ELL2: variants seen among roughly 807,000 people sequenced by gnomAD.
ELL2 encodes the protein RNA polymerase II elongation factor ELL2.
ELL2 carries 21 observed loss-of-function variants against 72.8 expected under a neutral mutation model. The observed-to-expected ratio is 0.29, with a 90% CI of 0.20 to 0.42. The LOEUF (loss-of-function observed/expected upper bound fraction) is 0.42, where lower values mean the gene tolerates loss of function less well. Among genes scored for constraint, ELL2 ranks in the 10% least tolerant of loss-of-function variants. The probability of loss-of-function intolerance (pLI) is 1.00; values close to 1 mark genes in which losing one functional copy is unlikely to be tolerated. For synonymous variants in ELL2, 266 were observed against 283.2 expected, an observed-to-expected ratio of 0.94 and a Z score of 0.61; for missense variants, 568 against 772.8, an observed-to-expected ratio of 0.73 and a Z score of 3.14.
At chr5:95,914,586 G>A (rs562037065) in intron 3 of ELL2, among the ~76,000 whole-genome samples, 6 of 152,262 alleles carry the variant, frequency 3.9e-5, no homozygotes, top group African/African-American at 1.4e-4. Flanking sequence ...AGGCACGGTG[G>A]CTCATCCCTG....
intron 2 of ELL2, among the ~76,000 whole-genome samples, chr5:95,942,229 G>C (rs932653124): frequency 6.6e-6 from 1 of 151,990 alleles, no homozygotes; most frequent in African/African-American, 2.4e-5. Flanking sequence ...TCCTCCCTCA[G>C]CTTATGTTTT....
Position 95,961,533 on chromosome 5 carries a change from G to C in ELL2, c.147+42C>G, listed in dbSNP as rs1042975230. The C allele has an allele frequency of 1.3e-5, 19 of 1,509,434 alleles. No homozygotes were observed. The African/African-American group carries it at 2.3e-4, about 19-fold the overall frequency. 93.5% of individuals were successfully genotyped at this position (1,509,434 alleles called of 1,614,324 possible). A position where few individuals can be genotyped will look rare whatever the true frequency, so the allele number is the denominator to read the frequency against. ...GGCGCGGCCAGGCCGTGAGGGGTGC[G>C]CTCTGCCTCTCTGAGCCCAGCCTGC... On this transcript the variant is annotated intron_variant, in intron 1 of 11. Transcript: ENST00000237853.
intron 4 of ELL2, among the ~76,000 whole-genome samples, chr5:95,907,308 T>TTTTTTTTTTTTTTTTA (rs1749412453): frequency 1.4e-5 from 2 of 143,554 alleles, no homozygotes; most frequent in East Asian, 3.9e-4. Flanking sequence ...TTTTTTTTTT[T>TTTTTTTTTTTTTTTTA]ACAGGCCAAG....
chr5:95,888,775 G>A lies in ELL2; in HGVS notation c.*96C>T, dbSNP rs112207922. 0.01 allele frequency: 8,653 copies of A among 849,270 alleles called. 76 individuals carry two copies. Among genetic ancestry groups the A allele is most frequent in the Non-Finnish European group, 0.013 (7,409 of 575,888 alleles). 52.6% of individuals were successfully genotyped at this position (849,270 alleles called of 1,614,324 possible). A position where few individuals can be genotyped will look rare whatever the true frequency, so the allele number is the denominator to read the frequency against. ...TTTACTAATACTGAAACTTTCAACA[G>A]CCAAAGTTTCACCTTTTTAGAATCT... On this transcript the variant is annotated 3_prime_UTR_variant, in exon 12 of 12. Transcript: ENST00000237853.
rs146333382 is a variant in ELL2 at position 95,960,488 on chromosome 5, T to C, written c.147+1087A>G. On this transcript the variant is annotated intron_variant, in intron 1 of 11. Coordinates refer to ENST00000237853, the MANE Select transcript of ELL2 (RefSeq NM_012081.6). ...CAATTACAGTGTATGTGCGCCTATC[T>C]GAGCCTCTCTCTGTACTGGAGGGGT... Among the ~76,000 whole-genome samples the C allele has an allele frequency of 1.2e-3, 178 of 152,104 alleles. 1 individual carries two copies. The highest frequency in any genetic ancestry group is 4.1e-3 in the African/African-American group (170 of 41,492).
intron 1 of ELL2, among the ~76,000 whole-genome samples, chr5:95,943,550 C>T (rs1405981059): frequency 6.6e-6 from 1 of 151,916 alleles, no homozygotes. Flanking sequence ...GCATAGTTTC[C>T]TGGTATATTT....
intron 1 of ELL2, among the ~76,000 whole-genome samples, chr5:95,951,610 A>T (rs75931585): frequency 0.014 from 2,089 of 151,496 alleles, 44 homozygotes; most frequent in African/African-American, 0.046. Context: ...TTTTTTTTTT[A>T]AAACTAGAAA....
Position 95,919,459 on chromosome 5 carries a change from C to T in ELL2, c.282G>A (p.Gln94=). 1.3e-6 allele frequency: 2 copies of T among 1,594,486 alleles called. No individual in the cohort carries two copies. The highest frequency in any genetic ancestry group is 1.4e-5 in the African/African-American group (1 of 73,592). ...TTTGCTGGATGCAGTCAAAGCTGCC[C>T]TGAGGGTTGTCTTTGCCCACATTTG... ...YLSNVGKDNP[Q]GSFDCIQQTF... The change falls in exon 3 of 12, where the codon CAG becomes CAA. Residue 94 remains glutamine (Q), a synonymous_variant. Transcript: ENST00000237853.
chr5:95,961,425 C>T (rs1474076477), intron 1 of ELL2, 150 bp downstream of exon 1: 4 of 988,542 alleles, frequency 4.0e-6, no homozygotes, highest in Admixed American at 4.4e-5. Context: ...GCGTCAGCCA[C>T]CCTGCCCGGC....
At chr5:95,905,276 T>C (rs934533264) in intron 5 of ELL2, among the ~76,000 whole-genome samples, 12 of 152,102 alleles carry the variant, frequency 7.9e-5, no homozygotes, top group Admixed American at 3.3e-4. Context: ...TATATTTAGA[T>C]ATCTATATGT....
intron 3 of ELL2, 98 bp downstream of exon 3, chr5:95,919,326 C>T (rs568262996): frequency 3.6e-5 from 50 of 1,389,852 alleles, no homozygotes; most frequent in Admixed American, 8.3e-5. Flanking sequence ...ATTTAATACA[C>T]GTTTATGGAT....
At chr5:95,891,427 C>T (rs1419699679) in intron 9 of ELL2, among the ~76,000 whole-genome samples, 153 bp from the exon 10 acceptor site, 1 of 152,190 alleles carries the variant, frequency 6.6e-6, no homozygotes, top group East Asian at 1.9e-4. Context: ...GGTCACTCCT[C>T]CAAACATCTT....
At chr5:95,922,209 C>G (rs978645648) in intron 2 of ELL2, among the ~76,000 whole-genome samples, 3 of 152,262 alleles carry the variant, frequency 2.0e-5, no homozygotes, top group African/African-American at 7.2e-5. Flanking sequence ...ACTACAGGCA[C>G]CCGCCACCAC....
chr5:95,896,279 AT>A (rs11324390), intron 8 of ELL2, among the ~76,000 whole-genome samples: 54,395 of 148,746 alleles, frequency 0.37, 10,581 homozygotes, highest in African/African-American at 0.53. Context: ...CACTAAACAG[AT>A]TTTTTTTTTT....
Position 95,927,489 on chromosome 5 carries a change from G to A in ELL2, c.196-7944C>T, listed in dbSNP as rs1197734004. 1.7e-4 allele frequency among the ~76,000 whole-genome samples: 5 copies of A among 29,512 alleles called. 1 individual carries two copies. Among genetic ancestry groups the A allele is most frequent in the African/African-American group, 7.0e-4 (2 of 2,852 alleles). The allele number at this position is 29,512 out of a possible 152,430, so 19.4% of individuals were successfully genotyped here. A position where few individuals can be genotyped will look rare whatever the true frequency, so the allele number is the denominator to read the frequency against. On this transcript the variant is annotated intron_variant, in intron 2 of 11. Coordinates refer to ENST00000237853, the MANE Select transcript of ELL2 (RefSeq NM_012081.6). ...TGTATATAGACATACACACACGTGT[G>A]TATATAGACATACACACACGTGTGT...
intron 6 of ELL2, 79 bp downstream of exon 6, chr5:95,900,877 T>G: frequency 6.4e-7 from 1 of 1,560,252 alleles, no homozygotes; most frequent in East Asian, 2.2e-5. Flanking sequence ...AACACTAAAA[T>G]AACAATGACT....
chr5:95,937,877 A>G (rs1750834400), intron 2 of ELL2, among the ~76,000 whole-genome samples: 1 of 152,168 alleles, frequency 6.6e-6, no homozygotes, highest in Admixed American at 6.5e-5. Flanking sequence ...GTCGGAGGGA[A>G]GGCATATTAT....
intron 3 of ELL2, among the ~76,000 whole-genome samples, chr5:95,918,115 C>T (rs1056390288): frequency 1.1e-4 from 16 of 152,210 alleles, no homozygotes; most frequent in South Asian, 4.1e-4. Flanking sequence ...GACCCTAATA[C>T]TTGGTGATTC....
rs1479330694 is a variant in ELL2 at position 95,927,372 on chromosome 5, CACACACACACGTGTGTATATATAGACAT to C, written c.196-7855_196-7828del. Among the ~76,000 whole-genome samples, 117 of 71,242 alleles carry C rather than the reference CACACACACACGTGTGTATATATAGACAT, an allele frequency of 1.6e-3. 5 individuals are homozygous for C. The highest frequency in any genetic ancestry group is 2.3e-3 in the Non-Finnish European group (92 of 40,260). 46.7% of individuals were successfully genotyped at this position (71,242 alleles called of 152,430 possible). ...ATGTGTATGTGTATATATAGACATA[CACACACACACGTGTGTATATATAGACAT>C]ACACACACGTGTGTATATAGACATA... On this transcript the variant is annotated intron_variant, in intron 2 of 11. Coordinates refer to ENST00000237853, the MANE Select transcript of ELL2 (RefSeq NM_012081.6).
Sources: gnomAD v4.1 joint callset for allele counts (sites outside exome capture counted in the v4.1 genomes callset) on GRCh38, gnomAD v4.1.1 for gene constraint, MANE v1.5 for transcripts, NCBI Gene and HGNC (gene_info 2026-07-23, HGNC 2026-07-21) for gene names.